The following H1-8 variants were observed in gnomAD, a reference collection of about 807,000 sequenced individuals.
H1-8 encodes histone H1.8.
A neutral mutation model predicts 19.5 loss-of-function variants in H1-8; 13 were observed. That is an observed-to-expected ratio of 0.67 (90% CI 0.43 to 1.06). H1-8 has a LOEUF of 1.06. Among genes scored for constraint, H1-8 ranks in the 50% least tolerant of loss-of-function variants. The pLI is 0.00. For missense variants in H1-8, 432 were observed against 459.8 expected (o/e 0.94, Z 0.55); for synonymous variants, 193 against 187.6 (o/e 1.03, Z -0.24).
rs1179602247 is a variant in H1-8, at chr3:129,547,544, T to A, written c.242T>A (p.Ile81Asn). 6.3e-6 allele frequency: 10 copies of A among 1,578,232 alleles called. No homozygotes were observed. The highest frequency in any genetic ancestry group is 1.8e-5 in the Admixed American group (1 of 55,556). ...GTSVAAIKLY[I>N]LHKYPTVDVL... ...TCGGTGGCAGCTATCAAGCTCTACA[T>A]CCTGCACAAGTACCCAACAGTGGAC... The change falls in exon 2 of 5, where the codon ATC becomes AAC. Residue 81 changes from isoleucine to asparagine, a missense_variant. Physicochemically the swap from Ile to Asn is moderately radical, Grantham distance 149. Coordinates refer to ENST00000324382, the MANE Select transcript of H1-8 (RefSeq NM_153833.3).
At position 129,549,080 on chromosome 3, in the gene H1-8, AG is replaced by A; in HGVS notation, c.462del (p.Lys155ArgfsTer19). ...ATAPRRAGEA[K>X]GKGPKKPSEA... ...GCTCCCAGGAGAGCGGGTGAGGCCA[AG>A]GGGAAGGGCCCCAAGAAACCAAGTG... is the stretch of plus-strand genomic sequence containing the variant. On this transcript the variant is annotated frameshift_variant, in exon 3 of 5. Coordinates refer to ENST00000324382, the MANE Select transcript of H1-8 (RefSeq NM_153833.3). LOFTEE classifies it high-confidence loss of function. The A allele has an allele frequency of 6.2e-7, 1 of 1,610,708 alleles. No individual in the cohort carries two copies. The highest frequency in any genetic ancestry group is 8.5e-7 in the Non-Finnish European group (1 of 1,178,146).
intron 3 of H1-8, 100 bp from the exon 4 acceptor site, chr3:129,550,645 A>G (rs767813157): frequency 7.4e-6 from 7 of 943,406 alleles, no homozygotes; most frequent in African/African-American, 1.6e-5. Flanking sequence ...GTGAAGACCT[A>G]GGACCCAGGA....
intron 2 of H1-8, chr3:129,548,570 C>A: frequency 2.3e-6 from 2 of 870,452 alleles, no homozygotes; most frequent in South Asian, 5.1e-5. Context: ...CCGCTCACAG[C>A]CTTGGTGATT....
Position 129,547,463 on chromosome 3 carries a change from C to CG in H1-8, c.163dup (p.Val55GlyfsTer97). Reference sequence around the variant, plus strand: ...CTCCCGGTGGGACGCCGCCACCCCCCGGTGCTACGCATGGTGCTGGAGGCG... The same window carrying CG: ...CTCCCGGTGGGACGCCGCCACCCCCCGGGTGCTACGCATGGTGCTGGAGGCG... On this transcript the variant is annotated frameshift_variant, in exon 2 of 5. Transcript: ENST00000324382. LOFTEE classifies it high-confidence loss of function. 3 of 1,549,702 alleles carry CG rather than the reference C, an allele frequency of 1.9e-6. No individual in the cohort carries two copies. The highest frequency in any genetic ancestry group is 2.6e-6 in the Non-Finnish European group (3 of 1,147,010).
At chr3:129,550,990 A>G in intron 4 of H1-8, 117 bp from the exon 5 acceptor site, 2 of 1,026,422 alleles carry the variant, frequency 1.9e-6, no homozygotes, top group Non-Finnish European at 2.9e-6. Flanking sequence ...TGCCATCCCC[A>G]TCTTACAGAT....
rs1346661624 is a variant in H1-8 at position 129,549,273 on chromosome 3, G to A, written c.651G>A (p.Val217=). The A allele has an allele frequency of 4.4e-6, 7 of 1,574,456 alleles. No homozygotes were observed. Among genetic ancestry groups the A allele is most frequent in the Non-Finnish European group, 6.0e-6 (7 of 1,161,452 alleles). The part of the protein sequence containing the change: ...TRAQSGEARK[V]PPKPDKAMRA... ...CACAGTCGGGAGAGGCTAGGAAGGT[G>A]CCCCCCAAGCCAGACAAGGCCATGC... The change falls in exon 3 of 5, where the codon GTG becomes GTA. Residue 217 remains valine (V), a synonymous_variant. Coordinates refer to ENST00000324382, the MANE Select transcript of H1-8 (RefSeq NM_153833.3).
chr3:129,545,234 A>C (rs1338867275), intron 1 of H1-8, among the ~76,000 whole-genome samples: 1 of 151,818 alleles, frequency 6.6e-6, no homozygotes, highest in Non-Finnish European at 1.5e-5. Context: ...CTCATTTTTA[A>C]AGATTTTCGT....
At chr3:129,546,430 T>A (rs2084889365) in intron 1 of H1-8, among the ~76,000 whole-genome samples, 1 of 152,194 alleles carries the variant, frequency 6.6e-6, no homozygotes, top group East Asian at 1.9e-4. Context: ...GTCACCATCT[T>A]GTGGACACTC....
Position 129,550,738 on chromosome 3 carries a change from A to G in H1-8, c.743-7A>G, listed in dbSNP as rs572701085. ...TCCCCTATAAAACCTCCTCCATCAA[A>G]TTCCAGGAGATGCTGAGGCCTACAG... On this transcript the variant is annotated splice_polypyrimidine_tract_variant and splice_region_variant and intron_variant, in intron 3 of 4. Transcript: ENST00000324382. The G allele has an allele frequency of 6.2e-7, 1 of 1,613,604 alleles. No individual in the cohort carries two copies. The highest frequency in any genetic ancestry group is 1.3e-5 in the African/African-American group (1 of 75,014).
In H1-8 at chr3:129,551,112, G is replaced by C. The variant is rs765648516; in HGVS notation, c.813G>C (p.Lys271Asn). 3 of 1,613,282 alleles carry C rather than the reference G, an allele frequency of 1.9e-6. No homozygotes were observed. Among genetic ancestry groups the C allele is most frequent in the South Asian group, 1.1e-5 (1 of 91,012 alleles). The part of the protein sequence containing the change: ...KSSKPTASKV[K>N]NGAASPTKKK... ...CCTGGTTTGCTTTCGTATAGGTCAA[G>C]AATGGTGCTGCTTCCCCGACCAAAA... Residue 271 changes from lysine (K) to asparagine (N), a missense_variant, in exon 5 of 5, where the codon AAG becomes AAC. Transcript: ENST00000324382.
intron 3 of H1-8, 27 bp downstream of exon 3, chr3:129,549,391 T>C (rs368563083): frequency 9.3e-6 from 13 of 1,393,074 alleles, no homozygotes; most frequent in African/African-American, 3.3e-5. Flanking sequence ...TAGGGGGTGG[T>C]GTGGGGATGG....
At chr3:129,551,052 C>G in intron 4 of H1-8, 55 bp from the exon 5 acceptor site, 2 of 1,501,308 alleles carry the variant, frequency 1.3e-6, no homozygotes, top group Non-Finnish European at 1.8e-6. Context: ...CCACCCAGAG[C>G]TGGGATTTCA....
chr3:129,545,062 ATTTT>A (rs746799373), intron 1 of H1-8, among the ~76,000 whole-genome samples: 3 of 138,872 alleles, frequency 2.2e-5, no homozygotes, highest in East Asian at 2.1e-4. Flanking sequence ...AATATAGCCA[ATTTT>A]TTTTTTTTTT....
rs1451287857 is a variant in H1-8, at chr3:129,551,304, A to T, written c.1005A>T (p.Ser335=). 1.2e-6 allele frequency: 2 copies of T among 1,613,776 alleles called. No individual in the cohort carries two copies. Among genetic ancestry groups the T allele is most frequent in the Admixed American group, 3.3e-5 (2 of 60,002 alleles). Residue 335 remains serine (S), a synonymous_variant, in exon 5 of 5, where the codon TCA becomes TCT. Transcript: ENST00000324382. ...PRKAGLPIKA[S]SSKVSSQRAE... ...AGGCTGGGCTGCCCATCAAGGCCTC[A>T]TCATCCAAAGTGTCCAGCCAGAGGG...
intron 2 of H1-8, chr3:129,548,434 C>T (rs546153329): frequency 1.7e-5 from 17 of 987,050 alleles, no homozygotes; most frequent in Middle Eastern, 1.0e-3. Flanking sequence ...GCCAGAGGGG[C>T]GTCAGGTGTC....
chr3:129,549,466 T>C, intron 3 of H1-8, 102 bp downstream of exon 3: 1 of 1,345,280 alleles, frequency 7.4e-7, no homozygotes. Context: ...CCTTATCTAG[T>C]GCATGTGTCC....
Position 129,547,409 on chromosome 3 carries a change from T to TG in H1-8, c.107_108insG (p.Pro38ThrfsTer114). The TG allele has an allele frequency of 8.5e-6, 12 of 1,414,902 alleles. No homozygotes were observed. The highest frequency in any genetic ancestry group is 2.2e-4 in the Middle Eastern group (1 of 4,552). 87.6% of individuals were successfully genotyped at this position (1,414,902 alleles called of 1,614,324 possible). Reference sequence around the variant, plus strand: ...TCCTCAGGCCCGAGCCACGGCGGTGTCCCACCAGGAGGCCCGAGCCACAGC... The same window carrying TG: ...TCCTCAGGCCCGAGCCACGGCGGTGTGCCCACCAGGAGGCCCGAGCCACAGC... On this transcript the variant is annotated frameshift_variant, in exon 2 of 5. Transcript: ENST00000324382. LOFTEE classifies it high-confidence loss of function.
intron 1 of H1-8, among the ~76,000 whole-genome samples, chr3:129,544,629 G>C (rs151045075): frequency 6.6e-6 from 1 of 151,936 alleles, no homozygotes; most frequent in Non-Finnish European, 1.5e-5. Context: ...AATAGCTGCC[G>C]AATGAGGGGC....
In H1-8 at chr3:129,549,198, A is replaced by G. The variant is rs2084913954; in HGVS notation, c.576A>G (p.Ala192=). 6.4e-7 allele frequency: 1 copy of G among 1,568,800 alleles called. No individual in the cohort carries two copies. Among genetic ancestry groups the G allele is most frequent in the Non-Finnish European group, 8.6e-7 (1 of 1,156,338 alleles). Reference sequence around the variant, plus strand: ...AGAAGCCTCCTCCCAAGCCAGGCGCAGCCACAGAGAAGGCTCGCAAGCAAG... The same window carrying G: ...AGAAGCCTCCTCCCAAGCCAGGCGCGGCCACAGAGAAGGCTCGCAAGCAAG... The part of the protein sequence containing the change: ...KVQKPPPKPG[A]ATEKARKQGG... The change falls in exon 3 of 5, where the codon GCA becomes GCG. Residue 192 remains alanine, a synonymous_variant. Transcript: ENST00000324382.
Sources: gnomAD v4.1 joint callset for allele counts (sites outside exome capture counted in the v4.1 genomes callset) on GRCh38, gnomAD v4.1.1 for gene constraint, MANE v1.5 for transcripts, NCBI Gene and HGNC (gene_info 2026-07-23, HGNC 2026-07-21) for gene names.